Variants in NAT1 observed in about 807,000 individuals in gnomAD.
NAT1 encodes N-acetyltransferase 1.
For missense variants in NAT1, 400 were observed against 339.2 expected (o/e 1.18, Z -1.41); for synonymous variants, 144 against 122.6 (o/e 1.17, Z -1.16).
Position 18,222,722 on chromosome 8 carries a change from G to A in NAT1, c.675G>A (p.Leu225=). 2 of 1,613,982 alleles carry A rather than the reference G, an allele frequency of 1.2e-6. No homozygotes were observed. Among genetic ancestry groups the A allele is most frequent in the South Asian group, 1.1e-5 (1 of 91,054 alleles). The change falls in exon 3 of 3, where the codon TTG becomes TTA. Residue 225 remains leucine (L), a synonymous_variant. Coordinates refer to ENST00000307719, the MANE Select transcript of NAT1 (RefSeq NM_000662.8). ...SVFTSKSFCS[L]QTPDGVHCLV... ...TTACTAGTAAATCATTTTGTTCCTTGCAGACCCCAGATGGGGTTCACTGTT... is the reference window on the plus strand; with the variant it reads ...TTACTAGTAAATCATTTTGTTCCTTACAGACCCCAGATGGGGTTCACTGTT...
chr8:18,206,705 C>T (rs371676823), upstream of NAT1, among the ~76,000 whole-genome samples: 69 of 152,088 alleles, frequency 4.5e-4, no homozygotes, highest in East Asian at 9.6e-4. Context: ...TCCTTATAGA[C>T]GCTGGATATT....
At chr8:18,212,071 G>A (rs1278829492) in intron 1 of NAT1, among the ~76,000 whole-genome samples, 1 of 152,092 alleles carries the variant, frequency 6.6e-6, no homozygotes, top group Non-Finnish European at 1.5e-5. Flanking sequence ...TTAAGAGAAA[G>A]AATACAGGTT....
At chr8:18,215,606 C>T (rs1014029904) in intron 1 of NAT1, among the ~76,000 whole-genome samples, 2 of 151,910 alleles carry the variant, frequency 1.3e-5, no homozygotes, top group African/African-American at 4.8e-5. Flanking sequence ...GTCCATAGCC[C>T]CAGATACCTG....
rs193217194 is a variant in NAT1, at chr8:18,195,639, T to G, written n.93-14142T>G. On this transcript the variant is annotated intron_variant and non_coding_transcript_variant, in intron 2 of 4. Transcript: ENST00000517441. ...TGCCATTCCTGTATATTATTAAAAT[T>G]TGGAAAGTACATAAAGATATAAAGA... 6.6e-5 allele frequency among the ~76,000 whole-genome samples: 10 copies of G among 152,262 alleles called. No individual in the cohort carries two copies. In the East Asian group the frequency reaches 1.5e-3, roughly 23 times the overall value.
chr8:18,175,480 A>G (rs1393831123), intron 2 of NAT1, among the ~76,000 whole-genome samples: 5 of 152,036 alleles, frequency 3.3e-5, no homozygotes, highest in Admixed American at 1.3e-4. Flanking sequence ...TGTTTCCATG[A>G]CTGGCTTATT....
intron 2 of NAT1, among the ~76,000 whole-genome samples, chr8:18,184,974 G>A (rs1344776491): frequency 1.3e-5 from 2 of 152,170 alleles, no homozygotes; most frequent in African/African-American, 4.8e-5. Flanking sequence ...CAACTTGGTT[G>A]TGGGCTGCTA....
In NAT1 at chr8:18,210,683, C is replaced by G. The variant is rs191640173; in HGVS notation, c.-86+503C>G. Among the ~76,000 whole-genome samples the G allele has an allele frequency of 2.6e-3, 399 of 152,320 alleles. 1 individual carries two copies. Among genetic ancestry groups the G allele is most frequent in the Non-Finnish European group, 3.7e-3 (253 of 68,036 alleles). ...AGCAAGCTCGTAATAATTCCTGCTCCTCTTGCACTAGCTGATAAAAAGCCC... is the reference window on the plus strand; with the variant it reads ...AGCAAGCTCGTAATAATTCCTGCTCGTCTTGCACTAGCTGATAAAAAGCCC... On this transcript the variant is annotated intron_variant, in intron 1 of 2. Transcript: ENST00000307719.
intron 2 of NAT1, among the ~76,000 whole-genome samples, chr8:18,189,202 T>C (rs1802877556): frequency 6.6e-6 from 1 of 152,100 alleles, no homozygotes; most frequent in African/African-American, 2.4e-5. Context: ...CCTTGAGGAT[T>C]TCAAACTTGA....
At chr8:18,174,979 T>C (rs10090056) in intron 2 of NAT1, among the ~76,000 whole-genome samples, 39,645 of 152,046 alleles carry the variant, frequency 0.26, 5,761 homozygotes, top group African/African-American at 0.38. Context: ...GCTGTGTTGA[T>C]CTTCTTATAT....
In NAT1 at chr8:18,184,550, G is replaced by T. The variant is rs996575736; in HGVS notation, n.92+13811G>T. ...GGAATTAATCAGTGTAATTAGCAAGGTTGTTGAATATGAGGTCAATACATA... is the reference window on the plus strand; with the variant it reads ...GGAATTAATCAGTGTAATTAGCAAGTTTGTTGAATATGAGGTCAATACATA... On this transcript the variant is annotated intron_variant and non_coding_transcript_variant, in intron 2 of 4. Transcript: ENST00000517441. Among the ~76,000 whole-genome samples the T allele has an allele frequency of 2.6e-5, 4 of 152,192 alleles. No individual in the cohort carries two copies. The East Asian group carries it at 7.7e-4, about 29-fold the overall frequency.
chr8:18,201,646 A>C (rs577376308), intron 2 of NAT1, among the ~76,000 whole-genome samples: 72 of 152,368 alleles, frequency 4.7e-4, no homozygotes, highest in African/African-American at 1.7e-3. Flanking sequence ...TGGGCTGACC[A>C]GCGTGGGCTG....
At chr8:18,196,953 T>C (rs1803258314) in intron 2 of NAT1, among the ~76,000 whole-genome samples, 1 of 152,152 alleles carries the variant, frequency 6.6e-6, no homozygotes, top group South Asian at 2.1e-4. Flanking sequence ...TGGGAAATTA[T>C]GAAGGAAAGA....
intron 2 of NAT1, among the ~76,000 whole-genome samples, chr8:18,202,284 G>A (rs968195412): frequency 8.5e-5 from 13 of 152,148 alleles, no homozygotes; most frequent in African/African-American, 2.7e-4. Flanking sequence ...TCATGTCTAT[G>A]GAAGTACAAA....
intron 2 of NAT1, among the ~76,000 whole-genome samples, chr8:18,192,521 C>T (rs1265556895): frequency 6.6e-6 from 1 of 152,186 alleles, no homozygotes; most frequent in Non-Finnish European, 1.5e-5. Context: ...AATCATGCTG[C>T]TATAAAGACA....
At chr8:18,198,180 T>C (rs1326479535) in intron 2 of NAT1, among the ~76,000 whole-genome samples, 1 of 152,182 alleles carries the variant, frequency 6.6e-6, no homozygotes, top group African/African-American at 2.4e-5. Context: ...AAAAATCTGC[T>C]TTTCTTCCTC....
chr8:18,207,947 C>A (rs1424270440), upstream of NAT1, among the ~76,000 whole-genome samples: 2 of 152,162 alleles, frequency 1.3e-5, no homozygotes, highest in East Asian at 3.9e-4. Flanking sequence ...AAAAAGGAAT[C>A]AGATCATGTC....
At chr8:18,202,646 A>G (rs1803513842) in intron 2 of NAT1, among the ~76,000 whole-genome samples, 1 of 151,982 alleles carries the variant, frequency 6.6e-6, no homozygotes, top group African/African-American at 2.4e-5. Context: ...CAGCTATTAA[A>G]GGTGGTGCGT....
chr8:18,186,757 C>T (rs1259745553), intron 2 of NAT1, among the ~76,000 whole-genome samples: 1 of 152,056 alleles, frequency 6.6e-6, no homozygotes. Context: ...TGCCCCTTCC[C>T]TTAACAAAGC....
chr8:18,197,052 G>A (rs980538439), intron 2 of NAT1, among the ~76,000 whole-genome samples: 1 of 152,136 alleles, frequency 6.6e-6, no homozygotes, highest in Admixed American at 6.5e-5. Context: ...GAAGGCAAAA[G>A]GGAAGCAGGC....
Sources: allele counts gnomAD v4.1 joint callset (sites outside exome capture counted in the v4.1 genomes callset), GRCh38; gene constraint gnomAD v4.1.1; transcripts MANE v1.5; gene names NCBI Gene and HGNC (gene_info 2026-07-23, HGNC 2026-07-21).